Variants in PTCD1 observed in about 807,000 individuals in gnomAD.
PTCD1 encodes the protein pentatricopeptide repeat-containing protein 1, mitochondrial.
PTCD1 carries 50 observed loss-of-function variants against 53.4 expected under a neutral mutation model. The ratio of observed to expected loss-of-function variants is 0.94; its 90% CI spans 0.75 to 1.19. The LOEUF (loss-of-function observed/expected upper bound fraction) is 1.19, where lower values mean the gene tolerates loss of function less well. Ranked by LOEUF, PTCD1 falls within the 50% of genes most tolerant of loss-of-function variation. The probability of loss-of-function intolerance (pLI) is 0.00; values close to 1 mark genes in which losing one functional copy is unlikely to be tolerated. For missense variants in PTCD1, 918 were observed against 904.8 expected, an observed-to-expected ratio of 1.01 and a Z score of -0.19; for synonymous variants, 413 against 394.8, an observed-to-expected ratio of 1.05 and a Z score of -0.55.
rs767655641 is a variant in PTCD1, at chr7:99,423,836, A to AC, written c.1858dup (p.Val620GlyfsTer20). 1.9e-6 allele frequency: 3 copies of AC among 1,614,042 alleles called. No individual in the cohort carries two copies. The highest frequency in any genetic ancestry group is 2.5e-6 in the Non-Finnish European group (3 of 1,180,040). Reference sequence around the variant, plus strand: ...CAGCTGGCGGATGACCACTTCGTTCACCGGGACCCTGTTCTGCTTCATGTC... The same window carrying AC: ...CAGCTGGCGGATGACCACTTCGTTCACCCGGGACCCTGTTCTGCTTCATGTC... On this transcript the variant is annotated frameshift_variant, in exon 7 of 8. Coordinates refer to ENST00000292478, the MANE Select transcript of PTCD1 (RefSeq NM_015545.4). LOFTEE classifies it high-confidence loss of function.
intron 3 of PTCD1, among the ~76,000 whole-genome samples, chr7:99,430,225 C>T (rs1266367640): frequency 3.9e-5 from 6 of 152,256 alleles, no homozygotes; most frequent in Non-Finnish European, 8.8e-5. Flanking sequence ...ACCAGGCATG[C>T]CTGTGGCAAG....
Position 99,419,772 on chromosome 7 carries a change from C to G in PTCD1, c.*195G>C, listed in dbSNP as rs949554865. The G allele has an allele frequency of 1.5e-5, 13 of 876,328 alleles. No homozygotes were observed. The Admixed American group carries it at 1.9e-4, about 13-fold the overall frequency. The allele number at this position is 876,328 out of a possible 1,614,324, so 54.3% of individuals were successfully genotyped here. ...CCGTGAAGGTGACACGCAAAGGTGGCTGGAGCTGCACTTGGACCTGCTGGG... is the reference window on the plus strand; with the variant it reads ...CCGTGAAGGTGACACGCAAAGGTGGGTGGAGCTGCACTTGGACCTGCTGGG... On this transcript the variant is annotated 3_prime_UTR_variant, in exon 8 of 8. Coordinates refer to ENST00000292478, the MANE Select transcript of PTCD1 (RefSeq NM_015545.4).
chr7:99,438,050 G>A (rs1294371683), intron 1 of PTCD1, among the ~76,000 whole-genome samples: 1 of 152,130 alleles, frequency 6.6e-6, no homozygotes, highest in East Asian at 1.9e-4. Context: ...AATCAGGAAA[G>A]GAAATGCTAT....
In PTCD1 at chr7:99,420,082, G is replaced by A. The variant is rs1206474769; in HGVS notation, c.1988C>T (p.Thr663Ile). The change falls in exon 8 of 8, where the codon ACA becomes ATA. Residue 663 changes from threonine (T) to isoleucine (I), a missense_variant. By Grantham distance (89) the Thr-to-Ile change is moderately conservative (BLOSUM62 -1). Coordinates refer to ENST00000292478, the MANE Select transcript of PTCD1 (RefSeq NM_015545.4). ...GFRAYYKQWLTVMPAEETPHP... is the reference protein window; with the variant it reads ...GFRAYYKQWLIVMPAEETPHP... ...CGGGGTTTCCTCTGCGGGCATCACTGTCAGCCACTGCTTGTAATAGGCTCG... is the reference window on the plus strand; with the variant it reads ...CGGGGTTTCCTCTGCGGGCATCACTATCAGCCACTGCTTGTAATAGGCTCG... 1.1e-5 allele frequency: 18 copies of A among 1,614,228 alleles called. No homozygotes were observed. The highest frequency in any genetic ancestry group is 3.3e-5 in the South Asian group (3 of 91,090).
At chr7:99,430,433 G>A (rs1796211194) in intron 3 of PTCD1, among the ~76,000 whole-genome samples, 1 of 152,188 alleles carries the variant, frequency 6.6e-6, no homozygotes, top group Non-Finnish European at 1.5e-5. Flanking sequence ...GGCCAGAGAA[G>A]GGCCATCTGG....
In PTCD1 at chr7:99,419,919, TCCCACAG is replaced by T; in HGVS notation, c.*41_*47del. On this transcript the variant is annotated 3_prime_UTR_variant, in exon 8 of 8. Transcript: ENST00000292478. The stretch of plus-strand genomic sequence containing the variant: ...GACACCAGCTCACTTGTCCTGGGGC[TCCCACAG>T]AGCACTGGGGGCCGAGCACATTGTT... 1 of 1,612,252 alleles carries T rather than the reference TCCCACAG, an allele frequency of 6.2e-7. No individual in the cohort carries two copies. Among genetic ancestry groups the T allele is most frequent in the East Asian group, 2.2e-5 (1 of 44,868 alleles).
At chr7:99,421,162 G>A (rs997094249) in intron 7 of PTCD1, among the ~76,000 whole-genome samples, 3 of 152,144 alleles carry the variant, frequency 2.0e-5, no homozygotes, top group Non-Finnish European at 4.4e-5. Flanking sequence ...CAATCTGGCT[G>A]TGTGTGCTGG....
At chr7:99,421,136 A>T (rs1009043814) in intron 7 of PTCD1, among the ~76,000 whole-genome samples, 1 of 152,124 alleles carries the variant, frequency 6.6e-6, no homozygotes, top group South Asian at 2.1e-4. Flanking sequence ...CCAAAAACCC[A>T]TCGTAAATCA....
At chr7:99,428,906 C>A (rs536596594) in intron 5 of PTCD1, among the ~76,000 whole-genome samples, 197 bp downstream of exon 5, 31 of 151,994 alleles carry the variant, frequency 2.0e-4, no homozygotes, top group Non-Finnish European at 4.4e-4. Context: ...GGGCGGGGGC[C>A]ACCCTCATTC....
intron 1 of PTCD1, among the ~76,000 whole-genome samples, chr7:99,436,104 C>T (rs1042733671): frequency 6.6e-6 from 1 of 152,050 alleles, no homozygotes; most frequent in Non-Finnish European, 1.5e-5. Flanking sequence ...AGCCACTATG[C>T]CTGGCTAATT....
intron 5 of PTCD1, among the ~76,000 whole-genome samples, chr7:99,427,931 C>A (rs1036904333): frequency 6.6e-6 from 1 of 150,968 alleles, no homozygotes; most frequent in Non-Finnish European, 1.5e-5. Context: ...GTCATCACCA[C>A]TCCCTAATCT....
rs563436821 is a variant in PTCD1, at chr7:99,419,451, G to T, written c.*516C>A. ...TGGCTGCTCTGGCTGAGGCTGGCGC[G>T]CTCCACCCTGGACTCTGGACTTCGC... On this transcript the variant is annotated 3_prime_UTR_variant, in exon 8 of 8. Transcript: ENST00000292478. 1.9e-6 allele frequency: 3 copies of T among 1,610,272 alleles called. No homozygotes were observed. Among genetic ancestry groups the T allele is most frequent in the African/African-American group, 1.3e-5 (1 of 75,054 alleles).
chr7:99,435,463 A>G (rs1251610590), intron 1 of PTCD1, among the ~76,000 whole-genome samples, 195 bp from the exon 2 acceptor site: 1 of 151,324 alleles, frequency 6.6e-6, no homozygotes, highest in Non-Finnish European at 1.5e-5. Context: ...ACATGGTGAA[A>G]CCCCGTCTCT....
intron 3 of PTCD1, among the ~76,000 whole-genome samples, chr7:99,431,961 CTTT>C (rs2150958185): frequency 1.3e-5 from 2 of 152,296 alleles, no homozygotes; most frequent in South Asian, 4.1e-4. Context: ...GCAGGGTGTG[CTTT>C]GTTAAAAAAG....
rs146818904 is a variant in PTCD1, at chr7:99,432,007, C to T, written c.594+1271G>A. ...AGGCAGTAGGCTTGATAAAAGTCAT[C>T]GCCATTCTCCAATCTCGAGTACCCA... On this transcript the variant is annotated intron_variant, in intron 3 of 7. Transcript: ENST00000292478. Among the ~76,000 whole-genome samples, 800 of 152,276 alleles carry T rather than the reference C, an allele frequency of 5.3e-3. 6 individuals carry two copies. The highest frequency in any genetic ancestry group is 8.9e-3 in the Non-Finnish European group (603 of 68,020).
chr7:99,438,504 C>A (rs1217947865), intron 1 of PTCD1, 188 bp downstream of exon 1: 8 of 1,112,012 alleles, frequency 7.2e-6, no homozygotes, highest in East Asian at 1.1e-4. Flanking sequence ...CTCGGAGAGA[C>A]CCGCCCCTCC....
chr7:99,420,299 G>A (rs1052143567), intron 7 of PTCD1, 150 bp from the exon 8 acceptor site: 77 of 1,139,110 alleles, frequency 6.8e-5, no homozygotes, highest in Non-Finnish European at 8.6e-5. Context: ...CTGTGAACAC[G>A]CACTATGGGA....
chr7:99,421,244 A>C (rs748346043), intron 7 of PTCD1, among the ~76,000 whole-genome samples: 17 of 152,036 alleles, frequency 1.1e-4, no homozygotes, highest in Non-Finnish European at 2.1e-4. Flanking sequence ...GTTCCAGACC[A>C]GTTTGGGCAA....
chr7:99,424,539 C>G (rs1259760441), intron 6 of PTCD1, among the ~76,000 whole-genome samples: 1 of 152,192 alleles, frequency 6.6e-6, no homozygotes, highest in Non-Finnish European at 1.5e-5. Context: ...GTGCCCAGCC[C>G]TGTGTCAACC....
Sources: gnomAD v4.1 joint callset for allele counts (sites outside exome capture counted in the v4.1 genomes callset) on GRCh38, gnomAD v4.1.1 for gene constraint, MANE v1.5 for transcripts, NCBI Gene and HGNC (gene_info 2026-07-23, HGNC 2026-07-21) for gene names.